LRRN1: variants seen among roughly 807,000 people sequenced by gnomAD.
LRRN1 encodes the protein leucine rich repeat neuronal 1, also known as leucine-rich repeat neuronal protein 1.
LRRN1 carries 14 observed loss-of-function variants against 45.8 expected under a neutral mutation model. That is an observed-to-expected ratio of 0.31 (90% CI 0.20 to 0.48). The LOEUF (loss-of-function observed/expected upper bound fraction) is 0.48, where lower values mean the gene tolerates loss of function less well. LRRN1 is among the 20% of genes least tolerant of loss of function. The pLI is 0.99. For synonymous variants in LRRN1, 359 were observed against 330.1 expected, an observed-to-expected ratio of 1.09 and a Z score of -0.95; for missense variants, 789 against 874.2, an observed-to-expected ratio of 0.90 and a Z score of 1.23.
chr3:3,837,113 G>T (rs766944588), intron 1 of LRRN1, among the ~76,000 whole-genome samples: 3 of 152,146 alleles, frequency 2.0e-5, no homozygotes, highest in Admixed American at 2.0e-4. Context: ...ACTCCCCTCA[G>T]CTCTGGAAAG....
At position 3,847,258 on chromosome 3, in the gene LRRN1, T is replaced by C. The variant is rs1259929803; in HGVS notation, c.*466T>C. ...TTTTGTAGCAATCTGGTCTATAGACTTTTAACTCAAGAAGCTAAGGCTAGA... is the reference window on the plus strand; with the variant it reads ...TTTTGTAGCAATCTGGTCTATAGACCTTTAACTCAAGAAGCTAAGGCTAGA... On this transcript the variant is annotated 3_prime_UTR_variant, in exon 2 of 2. Coordinates refer to ENST00000319331, the MANE Select transcript of LRRN1 (RefSeq NM_020873.7). The C allele has an allele frequency of 6.0e-6, 1 of 167,720 alleles. No individual in the cohort carries two copies. Among genetic ancestry groups the C allele is most frequent in the East Asian group, 1.9e-4 (1 of 5,206 alleles). The allele number at this position is 167,720 out of a possible 1,614,324, so 10.4% of individuals were successfully genotyped here. A position where few individuals can be genotyped will look rare whatever the true frequency, so the allele number is the denominator to read the frequency against.
rs115797839 is a variant in LRRN1 at position 3,803,249 on chromosome 3, C to G, written c.-279+3330C>G. ...GAATATACTAGGTACTAAAGAAAAT[C>G]GGTCTCTACGGAGTTATATTGCTAC... is the stretch of plus-strand genomic sequence containing the variant. On this transcript the variant is annotated intron_variant, in intron 1 of 1. Transcript: ENST00000319331. Among the ~76,000 whole-genome samples the G allele has an allele frequency of 4.0e-3, 606 of 152,224 alleles. 1 individual carries two copies. The highest frequency in any genetic ancestry group is 0.013 in the South Asian group (64 of 4,826).
intron 1 of LRRN1, among the ~76,000 whole-genome samples, chr3:3,826,398 C>T (rs949868130): frequency 6.6e-6 from 1 of 152,126 alleles, no homozygotes; most frequent in African/African-American, 2.4e-5. Context: ...ATGACTTGTT[C>T]AAGGTCGTCC....
chr3:3,806,206 G>A (rs989898270), intron 1 of LRRN1, among the ~76,000 whole-genome samples: 11 of 152,250 alleles, frequency 7.2e-5, no homozygotes, highest in South Asian at 2.1e-4. Flanking sequence ...GTCAGTAGTC[G>A]CAAGGATCCT....
chr3:3,812,982 T>A (rs557458451), intron 1 of LRRN1, among the ~76,000 whole-genome samples: 66 of 152,370 alleles, frequency 4.3e-4, no homozygotes, highest in Middle Eastern at 6.8e-3. Context: ...TTTCCTTTCA[T>A]TGTAGTGAAC....
chr3:3,800,526 C>T (rs1319869277), intron 1 of LRRN1, among the ~76,000 whole-genome samples: 1 of 152,106 alleles, frequency 6.6e-6, no homozygotes, highest in Non-Finnish European at 1.5e-5. Context: ...ACCGAACTCT[C>T]GGCGGTCCAC....
intron 1 of LRRN1, among the ~76,000 whole-genome samples, chr3:3,811,957 T>G (rs1191702279): frequency 6.6e-6 from 1 of 152,164 alleles, no homozygotes; most frequent in African/African-American, 2.4e-5. Context: ...TGCTCAGTAT[T>G]GGTTAAAAGA....
chr3:3,829,074 G>C (rs533220078), intron 1 of LRRN1, among the ~76,000 whole-genome samples: 6 of 151,608 alleles, frequency 4.0e-5, no homozygotes, highest in African/African-American at 1.5e-4. Flanking sequence ...TCTGGATTGG[G>C]CTGTTGTAGT....
At chr3:3,813,965 C>T (rs1414420806) in intron 1 of LRRN1, among the ~76,000 whole-genome samples, 2 of 151,996 alleles carry the variant, frequency 1.3e-5, no homozygotes, top group Non-Finnish European at 2.9e-5. Context: ...TGCTATCATC[C>T]CATCACTCAG....
Position 3,847,897 on chromosome 3 carries a change from C to A in LRRN1, c.*1105C>A, listed in dbSNP as rs1325715458. 6.6e-6 allele frequency among the ~76,000 whole-genome samples: 1 copy of A among 151,688 alleles called. No homozygotes were observed. The highest frequency in any genetic ancestry group is 1.5e-5 in the Non-Finnish European group (1 of 67,968). ...AGAAAAAAAGGTGTATTGTTGTATC[C>A]CATGCATAAATAAAGGTAAATATAT... is the stretch of plus-strand genomic sequence containing the variant. On this transcript the variant is annotated 3_prime_UTR_variant, in exon 2 of 2. Transcript: ENST00000319331.
intron 1 of LRRN1, among the ~76,000 whole-genome samples, chr3:3,807,146 C>T (rs967156452): frequency 6.6e-6 from 1 of 152,318 alleles, no homozygotes. Flanking sequence ...TGGGTTTCCC[C>T]TATACCTAAG....
At chr3:3,834,973 C>G (rs767312270) in intron 1 of LRRN1, among the ~76,000 whole-genome samples, 4 of 152,066 alleles carry the variant, frequency 2.6e-5, no homozygotes, top group Admixed American at 1.3e-4. Context: ...TCAATCCAGT[C>G]AAGTTGACAC....
chr3:3,824,960 T>G (rs937223676), intron 1 of LRRN1, among the ~76,000 whole-genome samples: 18 of 152,108 alleles, frequency 1.2e-4, no homozygotes, highest in African/African-American at 4.1e-4. Flanking sequence ...AGTTTGCGCA[T>G]CTGTATATTT....
intron 1 of LRRN1, among the ~76,000 whole-genome samples, chr3:3,828,992 T>TTC (rs2106462800): frequency 1.6e-5 from 1 of 63,916 alleles, no homozygotes; most frequent in East Asian, 1.3e-3. Flanking sequence ...CTTTTCTTTC[T>TTC]TTTTTTTTTT....
chr3:3,828,990 T>TC (rs1693300439), intron 1 of LRRN1, among the ~76,000 whole-genome samples: 1 of 130,338 alleles, frequency 7.7e-6, no homozygotes, highest in South Asian at 2.7e-4. Flanking sequence ...TTCTTTTCTT[T>TC]CTTTTTTTTT....
At chr3:3,805,449 CAATG>C in intron 1 of LRRN1, among the ~76,000 whole-genome samples, 1 of 152,214 alleles carries the variant, frequency 6.6e-6, no homozygotes, top group East Asian at 1.9e-4. Flanking sequence ...CAATTCCCAG[CAATG>C]ACACTAATGA....
intron 1 of LRRN1, among the ~76,000 whole-genome samples, chr3:3,836,191 C>CTT (rs898640961): frequency 5.3e-5 from 8 of 152,218 alleles, no homozygotes; most frequent in African/African-American, 1.9e-4. Context: ...TATGGCTTCG[C>CTT]TTTTTTTGTG....
chr3:3,825,856 A>T (rs999913642), intron 1 of LRRN1, among the ~76,000 whole-genome samples: 2 of 152,222 alleles, frequency 1.3e-5, no homozygotes, highest in African/African-American at 4.8e-5. Context: ...TCACGTATGG[A>T]GTATTTGCCA....
At chr3:3,840,307 G>A (rs992900322) in intron 1 of LRRN1, among the ~76,000 whole-genome samples, 3 of 152,124 alleles carry the variant, frequency 2.0e-5, no homozygotes, top group African/African-American at 7.2e-5. Flanking sequence ...AACCTTCCTT[G>A]CATTCCTGGT....
Sources: gnomAD v4.1 joint callset for allele counts (sites outside exome capture counted in the v4.1 genomes callset) on GRCh38, gnomAD v4.1.1 for gene constraint, MANE v1.5 for transcripts, NCBI Gene and HGNC (gene_info 2026-07-23, HGNC 2026-07-21) for gene names.